Variants in ATP10D observed in about 807,000 individuals in gnomAD.
ATP10D encodes the protein ATPase phospholipid transporting 10D (putative).
In ATP10D, 89 loss-of-function variants were observed where a neutral mutation model predicts 144.8. The observed-to-expected ratio is 0.61, with a 90% CI of 0.52 to 0.73. The LOEUF (loss-of-function observed/expected upper bound fraction) is 0.73. ATP10D is among the 30% of genes least tolerant of loss of function. ATP10D has a pLI of 0.00. For missense variants in ATP10D, 1,603 were observed against 1,714.8 expected (o/e 0.93, Z 1.15); for synonymous variants, 571 against 615.1 (o/e 0.93, Z 1.06).
intron 5 of ATP10D, among the ~76,000 whole-genome samples, chr4:47,531,415 A>G (rs943168403): frequency 1.3e-5 from 2 of 152,246 alleles, no homozygotes; most frequent in African/African-American, 4.8e-5. Flanking sequence ...AGGCAAGAGC[A>G]CAGAGGCCCA....
chr4:47,573,432 A>G (rs1321218233), intron 18 of ATP10D, among the ~76,000 whole-genome samples: 1 of 152,214 alleles, frequency 6.6e-6, no homozygotes, highest in Non-Finnish European at 1.5e-5. Context: ...ACAGATACAG[A>G]TGAAAACCTA....
chr4:47,546,532 G>T, intron 9 of ATP10D, 92 bp from the exon 10 acceptor site: 1 of 1,142,640 alleles, frequency 8.8e-7, no homozygotes, highest in African/African-American at 1.5e-5. Context: ...GGAGGAGATG[G>T]TGTGAAATAG....
At chr4:47,564,481 A>G (rs1235034087) in intron 15 of ATP10D, among the ~76,000 whole-genome samples, 1 of 152,214 alleles carries the variant, frequency 6.6e-6, no homozygotes, top group African/African-American at 2.4e-5. Flanking sequence ...TATTGAAATC[A>G]GGTGAATAAA....
Position 47,592,653 on chromosome 4 carries a change from T to C in ATP10D, c.*1272T>C, listed in dbSNP as rs1296199866. The C allele has an allele frequency of 1.3e-5, 2 of 152,574 alleles. No homozygotes were observed. The highest frequency in any genetic ancestry group is 4.8e-5 in the African/African-American group (2 of 41,454). The allele number at this position is 152,574 out of a possible 1,614,324, so 9.5% of individuals were successfully genotyped here. On this transcript the variant is annotated 3_prime_UTR_variant, in exon 23 of 23. Coordinates refer to ENST00000273859, the MANE Select transcript of ATP10D (RefSeq NM_020453.4). Reference sequence around the variant, plus strand: ...TCCTTCCTGAATCTCCATGCTCATATGCAATGTCTACATCAAGGTCTTCTT... The same window carrying C: ...TCCTTCCTGAATCTCCATGCTCATACGCAATGTCTACATCAAGGTCTTCTT...
chr4:47,525,673 G>T (rs767793907), intron 5 of ATP10D, 31 bp downstream of exon 5: 3 of 1,519,666 alleles, frequency 2.0e-6, no homozygotes, highest in Non-Finnish European at 1.8e-6. Context: ...ATTTGTGGGT[G>T]TAAGTGGAAT....
intron 5 of ATP10D, among the ~76,000 whole-genome samples, chr4:47,528,039 T>A (rs1475817389): frequency 6.6e-6 from 1 of 152,154 alleles, no homozygotes; most frequent in Non-Finnish European, 1.5e-5. Flanking sequence ...TTTGTTAAAA[T>A]TCTAGGAAAA....
chr4:47,591,894 T>C lies in ATP10D; in HGVS notation c.*513T>C, dbSNP rs1167303334. Reference sequence around the variant, plus strand: ...CTTTTAAACAACAAGGTACCTAAAATAGGGTATAATTATACTGCTTAAAAT... The same window carrying C: ...CTTTTAAACAACAAGGTACCTAAAACAGGGTATAATTATACTGCTTAAAAT... On this transcript the variant is annotated 3_prime_UTR_variant, in exon 23 of 23. Transcript: ENST00000273859. 1 of 152,300 alleles carries C rather than the reference T, an allele frequency of 6.6e-6. No individual in the cohort carries two copies. The highest frequency in any genetic ancestry group is 1.5e-5 in the Non-Finnish European group (1 of 68,166). The allele number at this position is 152,300 out of a possible 1,614,324, so 9.4% of individuals were successfully genotyped here. A position where few individuals can be genotyped will look rare whatever the true frequency, so the allele number is the denominator to read the frequency against.
chr4:47,490,497 T>G (rs1715013951), intron 1 of ATP10D, among the ~76,000 whole-genome samples: 1 of 152,232 alleles, frequency 6.6e-6, no homozygotes, highest in South Asian at 2.1e-4. Flanking sequence ...CTTACTTCAT[T>G]TGAATCAGGC....
chr4:47,521,729 C>G (rs1716954843), intron 3 of ATP10D, among the ~76,000 whole-genome samples: 1 of 152,168 alleles, frequency 6.6e-6, no homozygotes, highest in Admixed American at 6.5e-5. Flanking sequence ...TATCTTTGCT[C>G]TGTTACCTGC....
At chr4:47,550,655 A>G (rs1718686724) in intron 10 of ATP10D, among the ~76,000 whole-genome samples, 1 of 152,126 alleles carries the variant, frequency 6.6e-6, no homozygotes, top group Admixed American at 6.5e-5. Flanking sequence ...TGAGTGTTAT[A>G]GCTCTATTAG....
chr4:47,549,345 GTCTCTC>G (rs1018007641), intron 10 of ATP10D, among the ~76,000 whole-genome samples: 21 of 152,168 alleles, frequency 1.4e-4, no homozygotes, highest in African/African-American at 5.1e-4. Context: ...TCTCTCCCTT[GTCTCTC>G]TCTGTCTCAA....
At chr4:47,487,337 C>T (rs1279719098) in intron 1 of ATP10D, among the ~76,000 whole-genome samples, 1 of 151,918 alleles carries the variant, frequency 6.6e-6, no homozygotes, top group East Asian at 1.9e-4. Context: ...AGAGGTGACT[C>T]ACCTGTCAGA....
At chr4:47,534,394 A>C (rs1374313904) in intron 5 of ATP10D, among the ~76,000 whole-genome samples, 1 of 152,192 alleles carries the variant, frequency 6.6e-6, no homozygotes, top group Non-Finnish European at 1.5e-5. Context: ...ACAGATACAT[A>C]CATACACACA....
chr4:47,588,687 T>C (rs909558173), intron 22 of ATP10D, among the ~76,000 whole-genome samples: 5 of 152,204 alleles, frequency 3.3e-5, no homozygotes, highest in African/African-American at 1.2e-4. Context: ...CCATCTGAGT[T>C]ACTCAATGGT....
At chr4:47,542,948 A>G (rs557343675) in intron 9 of ATP10D, among the ~76,000 whole-genome samples, 1 of 152,280 alleles carries the variant, frequency 6.6e-6, no homozygotes, top group Admixed American at 6.5e-5. Flanking sequence ...TTCCCTAATG[A>G]TGGCTAGGAG....
intron 5 of ATP10D, among the ~76,000 whole-genome samples, chr4:47,527,565 A>G (rs1007277636): frequency 1.3e-5 from 2 of 152,310 alleles, no homozygotes; most frequent in East Asian, 3.8e-4. Flanking sequence ...ACTTATATTC[A>G]TAATATATAA....
chr4:47,584,607 A>G (rs6447569), intron 21 of ATP10D, among the ~76,000 whole-genome samples: 76,412 of 151,922 alleles, frequency 0.5, 19,368 homozygotes, highest in East Asian at 0.66. Flanking sequence ...CATCTTAGCC[A>G]GGATGGTCTC....
rs1385811209 is a variant in ATP10D at position 47,557,731 on chromosome 4, G to T, written c.1892G>T (p.Arg631Ile). 1.2e-6 allele frequency: 2 copies of T among 1,614,222 alleles called. No individual in the cohort carries two copies. The highest frequency in any genetic ancestry group is 2.2e-5 in the South Asian group (2 of 91,084). The change falls in exon 12 of 23, where the codon AGA (arginine) becomes ATA (isoleucine). Residue 631 changes from arginine (R) to isoleucine (I), a missense_variant. Arg to Ile is a moderately conservative substitution (Grantham distance 97). Transcript: ENST00000273859. ...GAAGAGATTAAAAGTCTTTTCCAGAGATGGTCTGTCCGAAGATCAAGTTCT... is the reference window on the plus strand; with the variant it reads ...GAAGAGATTAAAAGTCTTTTCCAGATATGGTCTGTCCGAAGATCAAGTTCT... ...SLEEIKSLFQ[R>I]WSVRRSSSPS...
chr4:47,556,420 C>CA (rs1034417793), intron 11 of ATP10D, among the ~76,000 whole-genome samples: 2 of 152,130 alleles, frequency 1.3e-5, no homozygotes, highest in African/African-American at 4.8e-5. Flanking sequence ...TTCTTTTCCC[C>CA]AAAAAATATT....
Sources: gnomAD v4.1 joint callset for allele counts (sites outside exome capture counted in the v4.1 genomes callset) on GRCh38, gnomAD v4.1.1 for gene constraint, MANE v1.5 for transcripts, NCBI Gene and HGNC (gene_info 2026-07-23, HGNC 2026-07-21) for gene names.